The following PTPRN2 variants were observed in gnomAD, a reference collection of about 807,000 sequenced individuals.
PTPRN2 encodes the protein receptor-type tyrosine-protein phosphatase N2.
Under a neutral mutation model 118.8 loss-of-function variants are expected in PTPRN2, and 74 were observed. That is an observed-to-expected ratio of 0.62 (90% CI 0.52 to 0.76). The LOEUF is 0.76. Ranked by LOEUF, PTPRN2 falls within the 30% of genes least tolerant of loss-of-function variation. PTPRN2 has a pLI of 0.00. For synonymous variants in PTPRN2, 641 were observed against 608.0 expected, an observed-to-expected ratio of 1.05 and a Z score of -0.80; for missense variants, 1,481 against 1,394.4, an observed-to-expected ratio of 1.06 and a Z score of -0.99.
In PTPRN2 at chr7:158,438,692, A is replaced by T. The variant is rs77236243; in HGVS notation, c.163+51043T>A. On this transcript the variant is annotated intron_variant, in intron 2 of 22. Coordinates refer to ENST00000389418, the MANE Select transcript of PTPRN2 (RefSeq NM_002847.5). This position sits in a 1 kb window ranked among gnomAD's most constrained non-coding sequence, Gnocchi z 4.7. ...GATGAATCGTGCTGTGTGAAAATAC[A>T]CTTTAGGCTGATGCCCAGCTGATTA... is the stretch of plus-strand genomic sequence containing the variant. 0.18 allele frequency among the ~76,000 whole-genome samples: 27,421 copies of T among 152,192 alleles called. 3,101 individuals carry two copies. The highest frequency in any genetic ancestry group is 0.26 in the Non-Finnish European group (17,427 of 67,980).
chr7:158,220,403 T>G (rs1398555518), intron 3 of PTPRN2, among the ~76,000 whole-genome samples: 1 of 152,162 alleles, frequency 6.6e-6, no homozygotes, highest in Non-Finnish European at 1.5e-5. Flanking sequence ...GATGATATAC[T>G]ATACATAGAA....
chr7:158,365,986 T>A (rs1217867205), intron 2 of PTPRN2, among the ~76,000 whole-genome samples: 2 of 137,526 alleles, frequency 1.5e-5, no homozygotes, highest in Non-Finnish European at 3.0e-5. Context: ...ACCCACAGCA[T>A]CCCTGGGAGA....
intron 1 of PTPRN2, among the ~76,000 whole-genome samples, chr7:158,501,752 G>A (rs1271320690): frequency 6.6e-6 from 1 of 152,182 alleles, no homozygotes; most frequent in African/African-American, 2.4e-5. Flanking sequence ...GCGTGTTTCG[G>A]CAGCCCTGGA....
chr7:158,469,201 G>A (rs1819661318), intron 2 of PTPRN2, among the ~76,000 whole-genome samples: 1 of 152,168 alleles, frequency 6.6e-6, no homozygotes, highest in South Asian at 2.1e-4. Flanking sequence ...CAGCACTTAG[G>A]GAGGCCAAGG....
At chr7:158,325,417 G>T (rs181518323) in intron 2 of PTPRN2, among the ~76,000 whole-genome samples, 40 of 152,156 alleles carry the variant, frequency 2.6e-4, no homozygotes, top group African/African-American at 8.2e-4. Context: ...CAGGACTTGG[G>T]AATTAATGAA....
Position 158,587,724 on chromosome 7 carries a change from G to T in PTPRN2, c.-55C>A. ...CATGGCCGCGCGGGAGGCGGCGGGA[G>T]GCGGCCGAGTCCGGGCCCAGGGAGG... is the stretch of plus-strand genomic sequence containing the variant. On this transcript the variant is annotated 5_prime_UTR_variant, in exon 1 of 23. Coordinates refer to ENST00000389418, the MANE Select transcript of PTPRN2 (RefSeq NM_002847.5). The T allele has an allele frequency of 3.5e-6, 4 of 1,139,420 alleles. No individual in the cohort carries two copies. The highest frequency in any genetic ancestry group is 4.3e-6 in the Non-Finnish European group (4 of 930,206). 70.6% of individuals were successfully genotyped at this position (1,139,420 alleles called of 1,614,324 possible).
At chr7:158,240,509 A>G (rs1469753591) in intron 3 of PTPRN2, among the ~76,000 whole-genome samples, 1 of 152,178 alleles carries the variant, frequency 6.6e-6, no homozygotes, top group Non-Finnish European at 1.5e-5. Context: ...GCTCAGTGCA[A>G]CCACTGCCTC....
intron 4 of PTPRN2, among the ~76,000 whole-genome samples, chr7:158,199,785 G>T (rs1826488735): frequency 6.7e-6 from 1 of 148,964 alleles, no homozygotes; most frequent in African/African-American, 2.5e-5. Context: ...CTGGCCCAGG[G>T]TCCATCTGGT....
At position 157,621,646 on chromosome 7, in the gene PTPRN2, A is replaced by T. The variant is rs1037933052; in HGVS notation, c.2197-137T>A. 3.8e-6 allele frequency: 4 copies of T among 1,045,558 alleles called. No individual in the cohort carries two copies. In the African/African-American group the frequency reaches 6.3e-5, roughly 16 times the overall value. The allele number at this position is 1,045,558 out of a possible 1,614,324, so 64.8% of individuals were successfully genotyped here. On this transcript the variant is annotated intron_variant, in intron 14 of 22. Coordinates refer to ENST00000389418, the MANE Select transcript of PTPRN2 (RefSeq NM_002847.5). ...GCTCACGAGCCTGGGCCATGGTGCG[A>T]CGTTGTGCTACGGTGCACAATGCAT...
Position 157,954,101 on chromosome 7 carries a change from C to A in PTPRN2, c.1724-55364G>T, listed in dbSNP as rs139210438. On this transcript the variant is annotated intron_variant, in intron 11 of 22. Coordinates refer to ENST00000389418, the MANE Select transcript of PTPRN2 (RefSeq NM_002847.5). ...CTAGATCTGTGGTGTGTGTGGTGCA[C>A]GTGTGCTGTGTGGTGTGTGTAGTCT... 2.0e-5 allele frequency among the ~76,000 whole-genome samples: 3 copies of A among 151,522 alleles called. No homozygotes were observed. The South Asian group carries it at 6.3e-4, about 32-fold the overall frequency.
chr7:158,508,050 T>C (rs891529403), intron 1 of PTPRN2, among the ~76,000 whole-genome samples: 1 of 125,660 alleles, frequency 8.0e-6, no homozygotes, highest in Admixed American at 8.0e-5. Flanking sequence ...AGCGCTACAG[T>C]GTTACGAAGG....
intron 3 of PTPRN2, among the ~76,000 whole-genome samples, chr7:158,232,476 G>T (rs1563632093): frequency 6.6e-6 from 1 of 152,018 alleles, no homozygotes; most frequent in Non-Finnish European, 1.5e-5. Flanking sequence ...TCAAAGAAAA[G>T]CCCAGGACCT....
chr7:158,333,658 TA>T (rs1804962489), intron 2 of PTPRN2, among the ~76,000 whole-genome samples: 4 of 151,136 alleles, frequency 2.6e-5, no homozygotes, highest in African/African-American at 9.8e-5. Flanking sequence ...ATTCTCACCA[TA>T]AGAGCTGACA....
chr7:157,895,625 CAG>C (rs1797065883), intron 12 of PTPRN2, among the ~76,000 whole-genome samples: 1 of 151,894 alleles, frequency 6.6e-6, no homozygotes, highest in Admixed American at 6.6e-5. Flanking sequence ...GCAGATTAGA[CAG>C]AGGAGGAAGG....
Position 157,622,125 on chromosome 7 carries a change from G to A in PTPRN2, c.2197-616C>T, listed in dbSNP as rs935784561. ...TCCCTTCCACAAAAACCCCCATGCC[G>A]CCAGCACAGCCCACTCGGTTCTTAT... On this transcript the variant is annotated intron_variant, in intron 14 of 22. Coordinates refer to ENST00000389418, the MANE Select transcript of PTPRN2 (RefSeq NM_002847.5). This position sits in a 1 kb window ranked among gnomAD's most constrained non-coding sequence, Gnocchi z 5.3. Among the ~76,000 whole-genome samples the A allele has an allele frequency of 1.5e-4, 23 of 151,982 alleles. No homozygotes were observed. Among genetic ancestry groups the A allele is most frequent in the South Asian group, 6.2e-4 (3 of 4,826 alleles).
chr7:158,139,536 C>G (rs1346733684), intron 6 of PTPRN2, among the ~76,000 whole-genome samples: 2 of 152,012 alleles, frequency 1.3e-5, no homozygotes, highest in African/African-American at 2.4e-5. Context: ...AGAAAGCCCA[C>G]AAGTCTCTCA....
At chr7:158,243,028 T>C (rs1404084132) in intron 3 of PTPRN2, among the ~76,000 whole-genome samples, 1 of 152,256 alleles carries the variant, frequency 6.6e-6, no homozygotes, top group South Asian at 2.1e-4. Context: ...TCTTCTCTAA[T>C]CATTGTTATT....
intron 2 of PTPRN2, among the ~76,000 whole-genome samples, chr7:158,346,375 G>C (rs1807514097): frequency 6.6e-6 from 1 of 152,182 alleles, no homozygotes; most frequent in Non-Finnish European, 1.5e-5. Context: ...ATATGAGTAA[G>C]ATCATGCGGT....
At chr7:157,691,760 C>A (rs1408709911) in intron 12 of PTPRN2, among the ~76,000 whole-genome samples, 1 of 152,200 alleles carries the variant, frequency 6.6e-6, no homozygotes, top group Non-Finnish European at 1.5e-5. Context: ...CGCTCCCAGT[C>A]GTTCGAGCCT....
Sources: gnomAD v4.1 joint callset for allele counts (sites outside exome capture counted in the v4.1 genomes callset) on GRCh38, gnomAD v4.1.1 for gene constraint, Gnocchi (gnomAD v3.1) non-coding constraint, MANE v1.5 for transcripts, NCBI Gene and HGNC (gene_info 2026-07-23, HGNC 2026-07-21) for gene names.